Variants in RP1 observed in about 807,000 individuals in gnomAD.
RP1 encodes oxygen-regulated protein 1.
A neutral mutation model predicts 14.8 loss-of-function variants in RP1; 16 were observed. That is an observed-to-expected ratio of 1.08 (90% CI 0.73 to 1.65). RP1 has a LOEUF of 1.65. RP1 is among the 40% of genes most tolerant of loss of function. The pLI is 0.00. For synonymous variants in RP1, 876 were observed against 883.6 expected, an observed-to-expected ratio of 0.99 and a Z score of 0.15; for missense variants, 2,631 against 2,535.0, an observed-to-expected ratio of 1.04 and a Z score of -0.81.
At chr8:54,839,239 A>G (rs927346689) in intron 25 of RP1, among the ~76,000 whole-genome samples, 1 of 152,146 alleles carries the variant, frequency 6.6e-6, no homozygotes, top group Non-Finnish European at 1.5e-5. Context: ...TTAATTCTAC[A>G]CAAAAGAATG....
At chr8:54,778,694 A>G (rs1391798611) in intron 23 of RP1, among the ~76,000 whole-genome samples, 1 of 152,198 alleles carries the variant, frequency 6.6e-6, no homozygotes, top group South Asian at 2.1e-4. Context: ...GAGGTGAAAG[A>G]GAGGACATTT....
intron 1 of RP1, among the ~76,000 whole-genome samples, chr8:54,604,702 G>C (rs1353095510): frequency 6.6e-6 from 1 of 152,106 alleles, no homozygotes. Flanking sequence ...ATTAATTATT[G>C]CCTCAATTTC....
At position 54,626,723 on chromosome 8, in the gene RP1, T is replaced by C. The variant is rs766397796; in HGVS notation, c.2841T>C (p.Cys947=). 1.2e-6 allele frequency: 2 copies of C among 1,614,000 alleles called. No homozygotes were observed. Among genetic ancestry groups the C allele is most frequent in the South Asian group, 2.2e-5 (2 of 91,076 alleles). ...VCRNETSVVN[C]SNNSFSGNDP... Reference sequence around the variant, plus strand: ...GAAATGAAACGAGTGTGGTAAATTGTAGCAATAATAGTTTTTCAGGGAATG... The same window carrying C: ...GAAATGAAACGAGTGTGGTAAATTGCAGCAATAATAGTTTTTCAGGGAATG... Residue 947 remains cysteine (C), a synonymous_variant, in exon 4 of 4, where the codon TGT becomes TGC. Coordinates refer to ENST00000220676, the MANE Select transcript of RP1 (RefSeq NM_006269.2).
In RP1 at chr8:54,641,483, G is replaced by A. The variant is rs929799240; in HGVS notation, c.788-7502G>A. Among the ~76,000 whole-genome samples the A allele has an allele frequency of 5.3e-5, 8 of 152,128 alleles. No homozygotes were observed. In the East Asian group the frequency reaches 1.5e-3, roughly 29 times the overall value. ...AACAGTTTTTACATGTAATTCTTAA[G>A]TAGCTTAATTAATTAGCTTCTCAAC... On this transcript the variant is annotated intron_variant, in intron 3 of 22. Transcript: ENST00000636932.
Position 54,781,290 on chromosome 8 carries a change from G to A in RP1, c.3452-2257G>A, listed in dbSNP as rs187510038. Among the ~76,000 whole-genome samples, 13 of 152,206 alleles carry A rather than the reference G, an allele frequency of 8.5e-5. No individual in the cohort carries two copies. The East Asian group carries it at 1.9e-3, about 23-fold the overall frequency. On this transcript the variant is annotated intron_variant, in intron 23 of 28. Transcript: ENST00000637698. Reference sequence around the variant, plus strand: ...AGATAAATATTTAGACTTCAATTACGTGGAATTTTCCTTCTTCCTTTGAAA... The same window carrying A: ...AGATAAATATTTAGACTTCAATTACATGGAATTTTCCTTCTTCCTTTGAAA...
chr8:54,718,422 G>A (rs1237516983), intron 15 of RP1, among the ~76,000 whole-genome samples: 1 of 152,178 alleles, frequency 6.6e-6, no homozygotes, highest in Admixed American at 6.5e-5. Context: ...CACAAATACA[G>A]TGAAGTGATC....
rs1278838840 is a variant in RP1, at chr8:54,726,604, T to G, written c.2521+128T>G. The G allele has an allele frequency of 6.8e-6, 6 of 888,398 alleles. No homozygotes were observed. In the East Asian group the frequency reaches 1.5e-4, roughly 23 times the overall value. 55.0% of individuals were successfully genotyped at this position (888,398 alleles called of 1,614,324 possible). On this transcript the variant is annotated intron_variant, in intron 17 of 22. Coordinates refer to the RP1 transcript ENST00000636932. ...TATGTTATACCACATGGACTGCTTGTAAGCTGTTATCTTGCTTTTTTATGC... is the reference window on the plus strand; with the variant it reads ...TATGTTATACCACATGGACTGCTTGGAAGCTGTTATCTTGCTTTTTTATGC...
chr8:54,838,775 G>T (rs1811725931), intron 25 of RP1, among the ~76,000 whole-genome samples: 1 of 152,030 alleles, frequency 6.6e-6, no homozygotes, highest in Non-Finnish European at 1.5e-5. Context: ...TAATACTCAT[G>T]ATCTCTCATT....
intron 19 of RP1, among the ~76,000 whole-genome samples, chr8:54,741,793 A>G (rs1242242830): frequency 7.2e-6 from 1 of 139,238 alleles, no homozygotes; most frequent in Non-Finnish European, 1.5e-5. Flanking sequence ...GAATCATGCT[A>G]TGTATGCACT....
chr8:54,837,760 G>A (rs1811697591), intron 25 of RP1: 1 of 667,944 alleles, frequency 1.5e-6, no homozygotes, highest in East Asian at 3.4e-5. Flanking sequence ...TTCTGTAAAG[G>A]ACCAGACAGT....
chr8:54,583,294 G>T (rs1232111468), intron 1 of RP1, among the ~76,000 whole-genome samples: 1 of 152,220 alleles, frequency 6.6e-6, no homozygotes, highest in Middle Eastern at 3.4e-3. Flanking sequence ...TTATATGCTG[G>T]ATTACGTTTA....
chr8:54,611,032 T>C (rs1253467013), intron 1 of RP1, among the ~76,000 whole-genome samples: 1 of 152,192 alleles, frequency 6.6e-6, no homozygotes, highest in Admixed American at 6.5e-5. Context: ...GGCAGTTCTT[T>C]TCCCTTCAGC....
chr8:54,843,964 G>A (rs1009389918), intron 25 of RP1, among the ~76,000 whole-genome samples: 5 of 152,230 alleles, frequency 3.3e-5, no homozygotes, highest in African/African-American at 4.8e-5. Flanking sequence ...ATTAGGAAAG[G>A]TTCCACAAAA....
chr8:54,625,711 C>A lies in RP1; in HGVS notation c.1829C>A (p.Ala610Glu), dbSNP rs371344865. 4 of 1,613,934 alleles carry A rather than the reference C, an allele frequency of 2.5e-6. No homozygotes were observed. In the African/African-American group the frequency reaches 5.3e-5, roughly 22 times the overall value. Residue 610 changes from alanine to glutamate, a missense_variant, in exon 4 of 4, where the codon GCA becomes GAA. Coordinates refer to ENST00000220676, the MANE Select transcript of RP1 (RefSeq NM_006269.2). ...NTNDRFSPIS[A>E]DATHFSSNNS... ...AATGATAGGTTCAGTCCTATTTCAG[C>A]AGATGCAACCCATTTTTCAAGTAAT...
chr8:54,754,548 T>TCTACTACTG (rs1197421867), intron 19 of RP1, among the ~76,000 whole-genome samples: 2 of 152,196 alleles, frequency 1.3e-5, no homozygotes, highest in African/African-American at 4.8e-5. Context: ...TGATGGCACT[T>TCTACTACTG]CTACTACTGC....
At chr8:54,752,866 T>C (rs1452787186) in intron 19 of RP1, among the ~76,000 whole-genome samples, 1 of 152,208 alleles carries the variant, frequency 6.6e-6, no homozygotes, top group Non-Finnish European at 1.5e-5. Flanking sequence ...TAAAGAATGA[T>C]ATAATCCAAA....
At chr8:54,657,885 T>A (rs2129327836) in intron 6 of RP1, among the ~76,000 whole-genome samples, 1 of 152,364 alleles carries the variant, frequency 6.6e-6, no homozygotes, top group South Asian at 2.1e-4. Context: ...CTGTGTGAGC[T>A]ACTTTTAAAC....
chr8:54,574,117 G>C (rs540062451), intron 1 of RP1, among the ~76,000 whole-genome samples: 22 of 152,124 alleles, frequency 1.4e-4, no homozygotes, highest in African/African-American at 5.1e-4. Context: ...GTTAGAAGGA[G>C]GATTGGAAAA....
chr8:54,735,842 C>G (rs1046832496), intron 18 of RP1, among the ~76,000 whole-genome samples: 1 of 152,082 alleles, frequency 6.6e-6, no homozygotes, highest in Admixed American at 6.6e-5. Context: ...CATAATATAC[C>G]TTGTGGTATA....
Sources: allele counts gnomAD v4.1 joint callset (sites outside exome capture counted in the v4.1 genomes callset), GRCh38; gene constraint gnomAD v4.1.1; transcripts MANE v1.5; gene names NCBI Gene and HGNC (gene_info 2026-07-23, HGNC 2026-07-21).